The following SNURF variants were observed in gnomAD, a reference collection of about 807,000 sequenced individuals.
The protein encoded by SNURF is SNURF protein.
A neutral mutation model predicts 11.6 loss-of-function variants in SNURF; 6 were observed. The observed-to-expected ratio is 0.52, with a 90% CI of 0.28 to 1.02. SNURF has a LOEUF of 1.02. SNURF is among the 50% of genes least tolerant of loss of function. The pLI, the probability that SNURF is intolerant of heterozygous loss-of-function variation, is 0.09. For missense variants in SNURF, 84 were observed against 88.4 expected (o/e 0.95, Z 0.20); for synonymous variants, 29 against 31.6 (o/e 0.92, Z 0.27).
chr15:24,961,696 T>C (rs1294474833), intron 1 of SNURF, among the ~76,000 whole-genome samples: 1 of 152,206 alleles, frequency 6.6e-6, no homozygotes, highest in Non-Finnish European at 1.5e-5. Context: ...TTCCACTATA[T>C]AAGTATGTCT....
At chr15:24,968,143 G>C in exon 3 of SNURF, 1 of 981,580 alleles carries the variant, frequency 1.0e-6, no homozygotes, top group Non-Finnish European at 1.6e-6. Flanking sequence ...GGTGTTGGGG[G>C]TTCTCTTAAT....
chr15:24,955,399 G>A, intron 1 of SNURF, among the ~76,000 whole-genome samples: 1 of 152,122 alleles, frequency 6.6e-6, no homozygotes, highest in African/African-American at 2.4e-5. Context: ...ATGGGTGGAG[G>A]TGGGTACATC....
chr15:24,966,468 A>G lies in SNURF; in HGVS notation c.111-1464A>G, dbSNP rs983990467. Among the ~76,000 whole-genome samples the G allele has an allele frequency of 8.5e-5, 13 of 152,220 alleles. 1 individual carries two copies. Among genetic ancestry groups the G allele is most frequent in the Middle Eastern group, 6.8e-3 (2 of 294 alleles). The stretch of plus-strand genomic sequence containing the variant: ...GGGATTCATTATGTTGACAAGATTG[A>G]ATCACTGGACATGTCACTGAATTCA... On this transcript the variant is annotated intron_variant, in intron 2 of 2. Coordinates refer to ENST00000577949, the Ensembl canonical transcript of SNURF.
In SNURF at chr15:24,974,684, G is replaced by T. The variant is rs759273374; in HGVS notation, c.*46-674G>T. ...CTCCCAGTCTGGAGTGCAGTGGTGC[G>T]GTCTTGGCTCACTGCAACCCTGGGT... is the stretch of plus-strand genomic sequence containing the variant. On this transcript the variant is annotated intron_variant and NMD_transcript_variant, in intron 3 of 6. Transcript: ENST00000580062. The T allele has an allele frequency of 3.7e-5, 23 of 617,058 alleles. No individual in the cohort carries two copies. The African/African-American group carries it at 3.9e-4, about 10-fold the overall frequency. 38.2% of individuals were successfully genotyped at this position (617,058 alleles called of 1,614,324 possible).
At chr15:24,967,869 A>T in intron 2 of SNURF, 63 bp from the exon 3 acceptor site, 1 of 1,412,796 alleles carries the variant, frequency 7.1e-7, no homozygotes, top group Non-Finnish European at 1.0e-6. Context: ...GTTTTCTTTC[A>T]TATGGTTTCC....
chr15:24,961,317 G>A (rs906412437), intron 1 of SNURF, among the ~76,000 whole-genome samples: 3 of 152,090 alleles, frequency 2.0e-5, no homozygotes, highest in African/African-American at 7.2e-5. Context: ...AAAACATCTA[G>A]GGTTCAGAGA....
At chr15:24,977,124 T>G (rs997725949) in intron 6 of SNURF, 6 of 973,984 alleles carry the variant, frequency 6.2e-6, no homozygotes, top group Middle Eastern at 3.0e-4. Context: ...TGTCATACAA[T>G]GTAAACAGCA....
At chr15:24,974,943 A>T (rs1022175223) in intron 3 of SNURF, 1 of 703,032 alleles carries the variant, frequency 1.4e-6, no homozygotes, top group Non-Finnish European at 2.6e-6. Flanking sequence ...TGTCCTGCAG[A>T]TGATGGACTC....
chr15:24,967,938 G>A, exon 3 of SNURF: 1 of 1,613,816 alleles, frequency 6.2e-7, no homozygotes, highest in South Asian at 1.1e-5. Flanking sequence ...GTAGGTGTCA[G>A]TTGTACCCGA....
chr15:24,962,915 A>G (rs1280128672), intron 2 of SNURF, among the ~76,000 whole-genome samples: 1 of 152,054 alleles, frequency 6.6e-6, no homozygotes, highest in African/African-American at 2.4e-5. Context: ...GTTTTTTTTA[A>G]TTATAAGTAT....
rs953346230 is a variant in SNURF, at chr15:24,974,774, G to C, written c.*46-584G>C. On this transcript the variant is annotated intron_variant and NMD_transcript_variant, in intron 3 of 6. Transcript: ENST00000580062. ...GGGTTTCACTGTGTTGGCCAGGCTG[G>C]TCTCAGGCTCCTGACCTCTGGTGAT... 4.9e-6 allele frequency: 3 copies of C among 618,418 alleles called. No individual in the cohort carries two copies. In the African/African-American group the frequency reaches 5.5e-5, roughly 11 times the overall value. 38.3% of individuals were successfully genotyped at this position (618,418 alleles called of 1,614,324 possible).
chr15:24,960,854 A>T (rs1424438918), intron 1 of SNURF, among the ~76,000 whole-genome samples: 1 of 152,218 alleles, frequency 6.6e-6, no homozygotes, highest in East Asian at 1.9e-4. Flanking sequence ...TGATATGCTA[A>T]GAGATAAGTA....
chr15:24,958,411 G>A (rs11632945), intron 1 of SNURF, among the ~76,000 whole-genome samples: 45,721 of 144,014 alleles, frequency 0.32, 7,853 homozygotes, highest in East Asian at 0.5. Flanking sequence ...TGTGGCCCAG[G>A]GCCAGAAAGC....
intron 2 of SNURF, among the ~76,000 whole-genome samples, 197 bp downstream of exon 2, chr15:24,962,406 A>G (rs961673082): frequency 2.0e-5 from 3 of 152,212 alleles, no homozygotes; most frequent in Non-Finnish European, 4.4e-5. Context: ...AGATTTTAGT[A>G]TAATTTTCTT....
exon 3 of SNURF, chr15:24,968,111 ATAAAGAATCAT>A: frequency 7.8e-7 from 1 of 1,287,638 alleles, no homozygotes; most frequent in Non-Finnish European, 1.1e-6. Context: ...ATGATCAAGA[ATAAAGAATCAT>A]TAAAGAATGG....
intron 3 of SNURF, chr15:24,974,245 A>G: frequency 1.7e-6 from 1 of 587,916 alleles, no homozygotes; most frequent in South Asian, 2.1e-5. Context: ...ATTTTCATGC[A>G]AAATTGTCTG....
rs2077238898 is a variant in SNURF at position 24,977,840 on chromosome 15, T to C, written c.*525T>C. 3 of 1,613,558 alleles carry C rather than the reference T, an allele frequency of 1.9e-6. No homozygotes were observed. Among genetic ancestry groups the C allele is most frequent in the Admixed American group, 1.7e-5 (1 of 59,932 alleles). On this transcript the variant is annotated 3_prime_UTR_variant and NMD_transcript_variant, in exon 7 of 7. Transcript: ENST00000580062. ...CTGCTGTTGCTGCGACTGCCAGTAT[T>C]GCTGGAGCCCCAACACAGTACCCAC... is the stretch of plus-strand genomic sequence containing the variant.
downstream of SNURF, chr15:24,968,698 C>G (rs1158807363): frequency 6.6e-6 from 1 of 152,134 alleles, no homozygotes; most frequent in Non-Finnish European, 1.5e-5. Flanking sequence ...ATTAGAGAAT[C>G]TAAATACTTT....
chr15:24,976,163 TA>T (rs1404661260), intron 4 of SNURF: 5 of 669,288 alleles, frequency 7.5e-6, no homozygotes, highest in East Asian at 5.4e-5. Flanking sequence ...TGTTTACAGA[TA>T]TTTTTTGGCT....
Sources: allele counts gnomAD v4.1 joint callset (sites outside exome capture counted in the v4.1 genomes callset), GRCh38; gene constraint gnomAD v4.1.1; transcripts MANE v1.5; gene names NCBI Gene and HGNC (gene_info 2026-07-23, HGNC 2026-07-21).